EIF2AK1: variants seen among roughly 807,000 people sequenced by gnomAD.
EIF2AK1 encodes eukaryotic translation initiation factor 2 alpha kinase 1.
In EIF2AK1, 54 loss-of-function variants were observed where a neutral mutation model predicts 77.9. That is an observed-to-expected ratio of 0.69 (90% CI 0.56 to 0.87). EIF2AK1 has a LOEUF of 0.87. Ranked by LOEUF, EIF2AK1 falls within the 40% of genes least tolerant of loss-of-function variation. The pLI is 0.00. For synonymous variants in EIF2AK1, 314 were observed against 290.5 expected, an observed-to-expected ratio of 1.08 and a Z score of -0.82; for missense variants, 810 against 768.6, an observed-to-expected ratio of 1.05 and a Z score of -0.64.
intron 2 of EIF2AK1, among the ~76,000 whole-genome samples, chr7:6,050,512 A>T (rs1788578844): frequency 6.6e-6 from 1 of 151,968 alleles, no homozygotes; most frequent in Non-Finnish European, 1.5e-5. Context: ...AAATTTTTTT[A>T]AAAAGCGAAG....
At position 6,049,887 on chromosome 7, in the gene EIF2AK1, C is replaced by A. The variant is rs1305231457; in HGVS notation, c.411+25G>T. 2.5e-6 allele frequency: 4 copies of A among 1,586,072 alleles called. No homozygotes were observed. The South Asian group carries it at 3.5e-5, about 14-fold the overall frequency. Reference sequence around the variant, plus strand: ...AAATTAAAGTATATTTTTGTCATACCCAAAGTATATTTTTTAGGGCTTACC... The same window carrying A: ...AAATTAAAGTATATTTTTGTCATACACAAAGTATATTTTTTAGGGCTTACC... On this transcript the variant is annotated intron_variant, in intron 3 of 14. Coordinates refer to ENST00000199389, the MANE Select transcript of EIF2AK1 (RefSeq NM_014413.4).
intron 6 of EIF2AK1, among the ~76,000 whole-genome samples, chr7:6,045,260 C>T (rs1476610852): frequency 1.3e-5 from 2 of 151,978 alleles, no homozygotes; most frequent in Non-Finnish European, 2.9e-5. Flanking sequence ...CATGCACTAC[C>T]ACACCCAGCT....
In EIF2AK1 at chr7:6,028,765, T is replaced by C. The variant is rs1252836107; in HGVS notation, c.1448-68A>G. 7 of 1,515,522 alleles carry C rather than the reference T, an allele frequency of 4.6e-6. No homozygotes were observed. In the East Asian group the frequency reaches 1.4e-4, roughly 29 times the overall value. The allele number at this position is 1,515,522 out of a possible 1,614,324, so 93.9% of individuals were successfully genotyped here. On this transcript the variant is annotated intron_variant, in intron 12 of 14. Coordinates refer to ENST00000199389, the MANE Select transcript of EIF2AK1 (RefSeq NM_014413.4). ...TGTCAACATTAAAGAACATTTACTA[T>C]GAGGAAGCAGTGTAGCTCCTAAGAG...
intron 2 of EIF2AK1, among the ~76,000 whole-genome samples, chr7:6,052,906 T>C (rs1383686983): frequency 6.6e-6 from 1 of 151,826 alleles, no homozygotes; most frequent in African/African-American, 2.4e-5. Context: ...GAGATTGCAG[T>C]GAGCGGAAAT....
intron 9 of EIF2AK1, among the ~76,000 whole-genome samples, chr7:6,038,984 G>A (rs1260804188): frequency 2.0e-5 from 3 of 152,082 alleles, no homozygotes; most frequent in East Asian, 1.9e-4. Context: ...ACTGTGACCC[G>A]GAGAAACTGG....
chr7:6,058,670 C>T (rs581706), intron 1 of EIF2AK1, among the ~76,000 whole-genome samples: 54,837 of 152,182 alleles, frequency 0.36, 10,951 homozygotes, highest in Middle Eastern at 0.51. Context: ...GGGGGCAAGA[C>T]GGTGGCCTCG....
chr7:6,047,954 T>C (rs1488069797), intron 4 of EIF2AK1: 2 of 152,168 alleles, frequency 1.3e-5, no homozygotes, highest in Non-Finnish European at 2.9e-5. Context: ...CCAGGACTCC[T>C]GGGCTCAAGC....
chr7:6,048,725 T>C (rs1788514202), intron 4 of EIF2AK1, 82 bp downstream of exon 4: 1 of 1,132,602 alleles, frequency 8.8e-7, no homozygotes, highest in East Asian at 2.5e-5. Context: ...AACAATATTA[T>C]GTTTTAACCT....
intron 6 of EIF2AK1, among the ~76,000 whole-genome samples, chr7:6,045,733 T>TTATATATACATATATATATA (rs1554321640): frequency 7.2e-6 from 1 of 138,024 alleles, no homozygotes; most frequent in East Asian, 2.7e-4. Flanking sequence ...ATTTTAAAAA[T>TTATATATACATATATATATA]TATATATATA....
At chr7:6,026,434 C>T (rs1382574195) in intron 14 of EIF2AK1, 4 of 581,026 alleles carry the variant, frequency 6.9e-6, no homozygotes, top group Non-Finnish European at 1.0e-5. Context: ...AAGTTTCCTA[C>T]CGGCCTTCGC....
At chr7:6,052,698 G>C (rs1224939579) in intron 2 of EIF2AK1, among the ~76,000 whole-genome samples, 1 of 149,582 alleles carries the variant, frequency 6.7e-6, no homozygotes, top group Non-Finnish European at 1.5e-5. Context: ...GAGCACACTG[G>C]TTACTCACAG....
At chr7:6,053,485 C>T (rs759154688) in intron 2 of EIF2AK1, among the ~76,000 whole-genome samples, 1 of 151,970 alleles carries the variant, frequency 6.6e-6, no homozygotes, top group Non-Finnish European at 1.5e-5. Flanking sequence ...CCTCAGCCTC[C>T]CAAATTACAG....
At chr7:6,031,386 T>C in intron 11 of EIF2AK1, 1 of 1,550,622 alleles carries the variant, frequency 6.4e-7, no homozygotes, top group Non-Finnish European at 8.7e-7. Flanking sequence ...ATGGGGAATA[T>C]AACCAGGAAA....
intron 1 of EIF2AK1, among the ~76,000 whole-genome samples, chr7:6,056,598 G>GGAAAAAAAAAAAA (rs1554324652): frequency 2.0e-5 from 1 of 48,816 alleles, no homozygotes; most frequent in Non-Finnish European, 4.0e-5. Context: ...CATCTCAAGG[G>GGAAAAAAAAAAAA]AAAAAAAAAA....
chr7:6,058,961 C>T lies in EIF2AK1; in HGVS notation c.118+5G>A. The T allele has an allele frequency of 6.5e-7, 1 of 1,529,190 alleles. No homozygotes were observed. Among genetic ancestry groups the T allele is most frequent in the South Asian group, 1.2e-5 (1 of 81,588 alleles). The allele number at this position is 1,529,190 out of a possible 1,614,324, so 94.7% of individuals were successfully genotyped here. ...GAGCGGCGACGCCGCGATCCGATCC[C>T]TCACCGTCATATTCGGGGTCCGGGC... On this transcript the variant is annotated splice_donor_5th_base_variant and intron_variant, in intron 1 of 14. Coordinates refer to ENST00000199389, the MANE Select transcript of EIF2AK1 (RefSeq NM_014413.4).
intron 6 of EIF2AK1, among the ~76,000 whole-genome samples, chr7:6,045,587 G>GA (rs1388181551): frequency 6.6e-6 from 1 of 151,994 alleles, no homozygotes; most frequent in Non-Finnish European, 1.5e-5. Flanking sequence ...GCAGGTGACA[G>GA]AAGTGGCTCA....
Position 6,059,161 on chromosome 7 carries a change from G to C in EIF2AK1, c.-78C>G, listed in dbSNP as rs1012590232. 7 of 1,022,746 alleles carry C rather than the reference G, an allele frequency of 6.8e-6. No homozygotes were observed. The highest frequency in any genetic ancestry group is 9.1e-6 in the Non-Finnish European group (7 of 767,476). The allele number at this position is 1,022,746 out of a possible 1,614,324, so 63.4% of individuals were successfully genotyped here. A position where few individuals can be genotyped will look rare whatever the true frequency, so the allele number is the denominator to read the frequency against. ...ACACTCCGATGCTGCAGCTAGCGCC[G>C]TCCGACCCGGAAGTAACCCCTCACC... On this transcript the variant is annotated 5_prime_UTR_variant, in exon 1 of 15. Transcript: ENST00000199389.
At chr7:6,037,782 C>T (rs1458510793) in intron 10 of EIF2AK1, among the ~76,000 whole-genome samples, 2 of 151,848 alleles carry the variant, frequency 1.3e-5, no homozygotes, top group Non-Finnish European at 2.9e-5. Context: ...CCTCTAACTT[C>T]AATCACAGCC....
In EIF2AK1 at chr7:6,033,924, G is replaced by C. The variant is rs926167979; in HGVS notation, c.1332+3500C>G. 2.6e-5 allele frequency among the ~76,000 whole-genome samples: 4 copies of C among 152,126 alleles called. No homozygotes were observed. Among genetic ancestry groups the C allele is most frequent in the African/African-American group, 7.2e-5 (3 of 41,430 alleles). On this transcript the variant is annotated intron_variant, in intron 11 of 14. Transcript: ENST00000199389. This position sits in a 1 kb window ranked among gnomAD's most constrained non-coding sequence, Gnocchi z 4.4. ...ACTAGAAGGTAAGCCGCATGAAAGA[G>C]AAGTTGACCTTGTGCACCACTGTAT...
Sources: gnomAD v4.1 joint callset for allele counts (sites outside exome capture counted in the v4.1 genomes callset) on GRCh38, gnomAD v4.1.1 for gene constraint, Gnocchi (gnomAD v3.1) non-coding constraint, MANE v1.5 for transcripts, NCBI Gene and HGNC (gene_info 2026-07-23, HGNC 2026-07-21) for gene names.